The following TEX14 variants were observed in gnomAD, a reference collection of about 807,000 sequenced individuals.
TEX14 encodes the protein inactive serine/threonine-protein kinase TEX14.
In TEX14, 168 loss-of-function variants were observed where a neutral mutation model predicts 178.6. That is an observed-to-expected ratio of 0.94 (90% CI 0.83 to 1.07). TEX14 has a LOEUF of 1.07. Ranked by LOEUF, TEX14 falls within the 50% of genes least tolerant of loss-of-function variation. The pLI, the probability that TEX14 is intolerant of heterozygous loss-of-function variation, is 0.00. For missense variants in TEX14, 1,730 were observed against 1,753.6 expected, an observed-to-expected ratio of 0.99 and a Z score of 0.24; for synonymous variants, 626 against 634.1, an observed-to-expected ratio of 0.99 and a Z score of 0.19.
chr17:58,631,786 T>C (rs62081272), intron 2 of TEX14: 44 of 152,284 alleles, frequency 2.9e-4, no homozygotes, highest in East Asian at 1.7e-3. Context: ...CACGTTCAGA[T>C]ATACTCCTCG....
chr17:58,570,081 T>A (rs955791630), intron 25 of TEX14, among the ~76,000 whole-genome samples: 1 of 151,906 alleles, frequency 6.6e-6, no homozygotes, highest in Non-Finnish European at 1.5e-5. Context: ...AACAAGGGAA[T>A]AAAGCAGTCC....
chr17:58,677,186 CT>C (rs1433300802), intron 1 of TEX14, among the ~76,000 whole-genome samples: 11 of 151,472 alleles, frequency 7.3e-5, no homozygotes, highest in Non-Finnish European at 1.2e-4. Flanking sequence ...ACTTGGAAGG[CT>C]GAGGCAGAAG....
chr17:58,671,701 G>C (rs184041474), intron 1 of TEX14, among the ~76,000 whole-genome samples: 54 of 152,150 alleles, frequency 3.5e-4, no homozygotes, highest in Admixed American at 1.2e-3. Context: ...GGTCTCTGTG[G>C]ATTTCTCTTT....
intron 1 of TEX14, among the ~76,000 whole-genome samples, chr17:58,662,002 T>C (rs1445346778): frequency 6.6e-6 from 1 of 151,940 alleles, no homozygotes; most frequent in Admixed American, 6.6e-5. Flanking sequence ...AAGATTCAAG[T>C]ATCTGCAGTT....
At position 58,608,405 on chromosome 17, in the gene TEX14, A is replaced by G. The variant is rs1281474997; in HGVS notation, c.1184+2756T>C. Among the ~76,000 whole-genome samples, 6 of 151,060 alleles carry G rather than the reference A, an allele frequency of 4.0e-5. No individual in the cohort carries two copies. The South Asian group carries it at 1.3e-3, about 32-fold the overall frequency. ...GCACTCCAGCCTGGGCAACAGAGCGAGACTCCATCTCAAAAAAAAAAAAAA... is the reference window on the plus strand; with the variant it reads ...GCACTCCAGCCTGGGCAACAGAGCGGGACTCCATCTCAAAAAAAAAAAAAA... On this transcript the variant is annotated intron_variant, in intron 10 of 31. Transcript: ENST00000349033.
rs79695811 is a variant in TEX14 at position 58,570,517 on chromosome 17, T to A, written c.3718-33A>T. The A allele has an allele frequency of 1.9e-3, 2,773 of 1,474,864 alleles. 47 individuals carry two copies. In the African/African-American group the frequency reaches 0.033, roughly 18 times the overall value. The allele number at this position is 1,474,864 out of a possible 1,614,324, so 91.4% of individuals were successfully genotyped here. On this transcript the variant is annotated intron_variant, in intron 24 of 31. Coordinates refer to ENST00000349033, the MANE Select transcript of TEX14 (RefSeq NM_031272.5). Reference sequence around the variant, plus strand: ...GAAGAGATAAACATGGTAACTGTCATGTGTGTTGAGCTAAAAAGGCATATG... The same window carrying A: ...GAAGAGATAAACATGGTAACTGTCAAGTGTGTTGAGCTAAAAAGGCATATG...
chr17:58,652,416 T>C (rs978829372), intron 1 of TEX14, among the ~76,000 whole-genome samples: 3 of 152,132 alleles, frequency 2.0e-5, no homozygotes, highest in African/African-American at 7.2e-5. Flanking sequence ...TCATGAGATC[T>C]GATGGTTTTA....
rs142361159 is a variant in TEX14 at position 58,652,722 on chromosome 17, T to C, written c.-1-720A>G. Among the ~76,000 whole-genome samples, 747 of 152,288 alleles carry C rather than the reference T, an allele frequency of 4.9e-3. 2 individuals are homozygous for C. The highest frequency in any genetic ancestry group is 6.7e-3 in the Non-Finnish European group (454 of 68,026). On this transcript the variant is annotated intron_variant, in intron 1 of 31. Transcript: ENST00000349033. ...ACGTTTATTGTGTCATTAAGATAACTTGGAGAGTATTGACTTTGAAAGGTT... is the reference window on the plus strand; with the variant it reads ...ACGTTTATTGTGTCATTAAGATAACCTGGAGAGTATTGACTTTGAAAGGTT...
chr17:58,654,800 C>G (rs1309491905), intron 1 of TEX14, among the ~76,000 whole-genome samples: 2 of 152,002 alleles, frequency 1.3e-5, no homozygotes, highest in Admixed American at 1.3e-4. Flanking sequence ...AGCCACCGCA[C>G]CTGGCCAATA....
intron 19 of TEX14, among the ~76,000 whole-genome samples, chr17:58,581,188 G>A (rs1471529038): frequency 3.3e-5 from 5 of 152,030 alleles, no homozygotes; most frequent in Admixed American, 2.0e-4. Context: ...GCACACGCCT[G>A]TAATTCCAGC....
At chr17:58,638,854 CTTTTTTTT>C (rs1210311633) in intron 2 of TEX14, among the ~76,000 whole-genome samples, 1 of 75,094 alleles carries the variant, frequency 1.3e-5, no homozygotes, top group African/African-American at 6.0e-5. Flanking sequence ...GACTATTATT[CTTTTTTTT>C]TTTTTTTTTT....
At chr17:58,601,201 C>T (rs2045428761) in intron 13 of TEX14, among the ~76,000 whole-genome samples, 2 of 151,924 alleles carry the variant, frequency 1.3e-5, no homozygotes, top group Non-Finnish European at 2.9e-5. Context: ...GCCTGGGCAA[C>T]ATCGTGAGAC....
intron 1 of TEX14, among the ~76,000 whole-genome samples, chr17:58,688,178 T>C (rs1188748068): frequency 6.6e-6 from 1 of 152,260 alleles, no homozygotes; most frequent in South Asian, 2.1e-4. Flanking sequence ...TGGAGTACAG[T>C]GTCATAATAT....
At chr17:58,575,527 T>C (rs1344221804) in intron 21 of TEX14, among the ~76,000 whole-genome samples, 2 of 152,214 alleles carry the variant, frequency 1.3e-5, no homozygotes, top group Non-Finnish European at 2.9e-5. Context: ...AAATGTTTGT[T>C]TCTCCTTCTA....
At chr17:58,652,135 ACT>A (rs1331321769) in intron 1 of TEX14, 133 bp from the exon 2 acceptor site, 2 of 634,050 alleles carry the variant, frequency 3.2e-6, no homozygotes, top group Middle Eastern at 3.0e-4. Flanking sequence ...AATTATTGAA[ACT>A]CTATGAGATT....
intron 1 of TEX14, among the ~76,000 whole-genome samples, chr17:58,667,641 T>A (rs2047235497): frequency 6.6e-6 from 1 of 152,120 alleles, no homozygotes; most frequent in South Asian, 2.1e-4. Flanking sequence ...TCCCAACACT[T>A]TGGGAGGCTG....
intron 1 of TEX14, chr17:58,677,638 G>A (rs1446934513): frequency 6.6e-6 from 1 of 152,200 alleles, no homozygotes; most frequent in Non-Finnish European, 1.5e-5. Flanking sequence ...CCCACATTTG[G>A]GGAAATCACA....
chr17:58,573,973 T>G (rs1321527680), intron 22 of TEX14, among the ~76,000 whole-genome samples: 2 of 152,196 alleles, frequency 1.3e-5, no homozygotes, highest in East Asian at 1.9e-4. Flanking sequence ...TTATTATGAT[T>G]ATTATTATCA....
chr17:58,625,309 A>G (rs1291420759), intron 3 of TEX14, among the ~76,000 whole-genome samples: 1 of 151,726 alleles, frequency 6.6e-6, no homozygotes, highest in Non-Finnish European at 1.5e-5. Flanking sequence ...TAACTTTTGT[A>G]TTTTTAGTAG....
Sources: allele counts gnomAD v4.1 joint callset (sites outside exome capture counted in the v4.1 genomes callset), GRCh38; gene constraint gnomAD v4.1.1; transcripts MANE v1.5; gene names NCBI Gene and HGNC (gene_info 2026-07-23, HGNC 2026-07-21).